The following COL5A3 variants were observed in gnomAD, a reference collection of about 807,000 sequenced individuals.
COL5A3 encodes collagen type V alpha 3 chain.
Under a neutral mutation model 250.0 loss-of-function variants are expected in COL5A3, and 172 were observed. The ratio of observed to expected loss-of-function variants is 0.69; its 90% CI spans 0.61 to 0.78. The LOEUF (loss-of-function observed/expected upper bound fraction) is 0.78, where lower values mean the gene tolerates loss of function less well. COL5A3 is among the 30% of genes least tolerant of loss of function. The probability of loss-of-function intolerance (pLI) is 0.00; values close to 1 mark genes in which losing one functional copy is unlikely to be tolerated. For missense variants in COL5A3, 2,340 were observed against 2,334.4 expected (o/e 1.00, Z -0.05); for synonymous variants, 937 against 900.4 (o/e 1.04, Z -0.73).
rs746906935 is a variant in COL5A3, at chr19:9,979,279, A to G, written c.2767-40T>C. On this transcript the variant is annotated intron_variant, in intron 38 of 66. Coordinates refer to ENST00000264828, the MANE Select transcript of COL5A3 (RefSeq NM_015719.4). ...GGCTCCTGTTGAGTGGGGGTGGCCT[A>G]GGGGAGTCGCTCAGGAGTCCAGCTT... 5.0e-6 allele frequency: 8 copies of G among 1,602,690 alleles called. No individual in the cohort carries two copies. In the African/African-American group the frequency reaches 5.4e-5, roughly 11 times the overall value.
intron 54 of COL5A3, 102 bp downstream of exon 54, chr19:9,970,520 G>T: frequency 1.6e-6 from 1 of 637,422 alleles, no homozygotes. Flanking sequence ...GTGGGTGTGT[G>T]GGGTCTGTGG....
At chr19:9,986,839 GC>G in intron 27 of COL5A3, 81 bp from the exon 28 acceptor site, 1 of 1,501,480 alleles carries the variant, frequency 6.7e-7, no homozygotes, top group Middle Eastern at 1.7e-4. Flanking sequence ...CTCTAAAGCA[GC>G]CAGGATAGTC....
At chr19:9,975,569 T>C (rs1475586086) in intron 45 of COL5A3, among the ~76,000 whole-genome samples, 1 of 152,158 alleles carries the variant, frequency 6.6e-6, no homozygotes, top group Admixed American at 6.5e-5. Context: ...GATTCTGGGG[T>C]TGAGTCCATA....
chr19:9,984,565 G>A (rs953778113), intron 31 of COL5A3, among the ~76,000 whole-genome samples: 8 of 152,096 alleles, frequency 5.3e-5, no homozygotes, highest in African/African-American at 1.9e-4. Context: ...CCCTTTAACT[G>A]ACTTTGTTGG....
At chr19:9,970,464 T>G (rs74180157) in intron 54 of COL5A3, among the ~76,000 whole-genome samples, 158 bp downstream of exon 54, 1 of 16,262 alleles carries the variant, frequency 6.1e-5, no homozygotes, top group Non-Finnish European at 1.1e-4. Flanking sequence ...TCTGTGGGTG[T>G]GTGGGGTCTG....
chr19:9,993,033 G>T lies in COL5A3; in HGVS notation c.1784C>A (p.Ala595Asp), dbSNP rs1391573095. Residue 595 changes from alanine to aspartate, a missense_variant, in exon 20 of 67, where the codon GCT (alanine) becomes GAT (aspartate). Physicochemically the swap from Ala to Asp is moderately radical, Grantham distance 126. Transcript: ENST00000264828. ...AEGPPGPTGQ[A>D]GEPGPRGLLG... ...ATCCCTGATACTCACCGGCTCCCCA[G>T]CCTGGCCAGTGGGCCCTGGAGGTCC... 1.2e-6 allele frequency: 2 copies of T among 1,613,826 alleles called. No homozygotes were observed. The highest frequency in any genetic ancestry group is 1.1e-5 in the South Asian group (1 of 91,056).
chr19:9,967,329 GC>G lies in COL5A3; in HGVS notation c.4458+17del. 16 of 1,413,982 alleles carry G rather than the reference GC, an allele frequency of 1.1e-5. No individual in the cohort carries two copies. Among genetic ancestry groups the G allele is most frequent in the South Asian group, 1.7e-5 (1 of 58,216 alleles). The allele number at this position is 1,413,982 out of a possible 1,614,324, so 87.6% of individuals were successfully genotyped here. Reference sequence around the variant, plus strand: ...CCCAGGTTTTGGTGTCCATTCCCCCGCCCCCCGGGGAACTCACCGGGGGGCC... The same window carrying G: ...CCCAGGTTTTGGTGTCCATTCCCCCGCCCCCGGGGAACTCACCGGGGGGCC... On this transcript the variant is annotated intron_variant, in intron 62 of 66. Coordinates refer to ENST00000264828, the MANE Select transcript of COL5A3 (RefSeq NM_015719.4).
rs763085937 is a variant in COL5A3 at position 9,993,648 on chromosome 19, G to A, written c.1666C>T (p.Pro556Ser). 28 of 1,614,082 alleles carry A rather than the reference G, an allele frequency of 1.7e-5. No individual in the cohort carries two copies. The highest frequency in any genetic ancestry group is 2.1e-5 in the Non-Finnish European group (25 of 1,180,018). Residue 556 changes from proline (P) to serine (S), a missense_variant, in exon 18 of 67, where the codon CCT becomes TCT. Pro to Ser is a moderately conservative substitution (Grantham distance 74). Around this residue, in one of 3 missense-constraint regions of COL5A3, gnomAD observed 1,152 missense variants for 1,146.3 expected, o/e 1.00. Transcript: ENST00000264828. ...PKGDRGFDGL[P>S]GLPGEKGQRG... ...TGGCCCTTCTCACCAGGCAGCCCAG[G>A]GAGGCCATCGAAGCCACGATCACCC...
chr19:10,000,930 A>G (rs968685864), intron 8 of COL5A3, among the ~76,000 whole-genome samples: 1 of 152,176 alleles, frequency 6.6e-6, no homozygotes, highest in East Asian at 1.9e-4. Flanking sequence ...AGACACTGGG[A>G]CCTATCGGAG....
Position 10,001,311 on chromosome 19 carries a change from A to G in COL5A3, c.1110+213T>C, listed in dbSNP as rs529060161. The stretch of plus-strand genomic sequence containing the variant: ...CAGGCGCGCGCCACCGCTCCCAGCT[A>G]ATTTTTTGTATTTTTAGTAGACATG... On this transcript the variant is annotated intron_variant, in intron 8 of 66. Transcript: ENST00000264828. Among the ~76,000 whole-genome samples the G allele has an allele frequency of 1.2e-3, 184 of 151,992 alleles. No homozygotes were observed. In the Middle Eastern group the frequency reaches 0.017, roughly 14 times the overall value.
In COL5A3 at chr19:9,993,739, C is replaced by A. The variant is rs759463463; in HGVS notation, c.1641+14G>T. ...CAGCTCCCACCAAGTCTTATCTCAG[C>A]CCCCATCACCTACCTTAGGTCCAGT... On this transcript the variant is annotated intron_variant, in intron 17 of 66. Transcript: ENST00000264828. The A allele has an allele frequency of 1.2e-5, 19 of 1,613,958 alleles. No homozygotes were observed. Among genetic ancestry groups the A allele is most frequent in the Non-Finnish European group, 1.6e-5 (19 of 1,179,948 alleles).
rs754511481 is a variant in COL5A3 at position 9,998,121 on chromosome 19, T to C, written c.1139A>G (p.Glu380Gly). The C allele has an allele frequency of 6.2e-7, 1 of 1,613,726 alleles. No individual in the cohort carries two copies. The highest frequency in any genetic ancestry group is 8.5e-7 in the Non-Finnish European group (1 of 1,179,918). ...CCTCACCTTTTCAATCACTGCGGGCTCTCCTTTTGCTCCTTTCTCTCCAGC... is the reference window on the plus strand; with the variant it reads ...CCTCACCTTTTCAATCACTGCGGGCCCTCCTTTTGCTCCTTTCTCTCCAGC... ...PGAGEKGAKG[E>G]PAVIEKGQQF... Residue 380 changes from glutamate (E) to glycine (G), a missense_variant, in exon 9 of 67, where the codon GAG becomes GGG. Physicochemically the swap from Glu to Gly is moderately conservative, Grantham distance 98. Around this residue, in one of 3 missense-constraint regions of COL5A3, gnomAD observed 1,152 missense variants for 1,146.3 expected, o/e 1.00. Transcript: ENST00000264828.
rs1416913858 is a variant in COL5A3 at position 9,968,923 on chromosome 19, C to T, written c.4153-195G>A. 1 of 642,394 alleles carries T rather than the reference C, an allele frequency of 1.6e-6. No individual in the cohort carries two copies. Among genetic ancestry groups the T allele is most frequent in the Non-Finnish European group, 2.7e-6 (1 of 364,268 alleles). The allele number at this position is 642,394 out of a possible 1,614,324, so 39.8% of individuals were successfully genotyped here. On this transcript the variant is annotated intron_variant, in intron 57 of 66. Coordinates refer to ENST00000264828, the MANE Select transcript of COL5A3 (RefSeq NM_015719.4). This position sits in a 1 kb window ranked among gnomAD's most constrained non-coding sequence, Gnocchi z 4.1. ...AATGAGGGGTTGACTGGAGGATGGA[C>T]AACGTGAGTGGTCAGTGGCCAAGGT... is the stretch of plus-strand genomic sequence containing the variant.
Position 9,968,141 on chromosome 19 carries a change from C to T in COL5A3, c.4315-62G>A. 4.1e-6 allele frequency: 6 copies of T among 1,464,886 alleles called. No homozygotes were observed. Among genetic ancestry groups the T allele is most frequent in the Non-Finnish European group, 5.6e-6 (6 of 1,071,590 alleles). The allele number at this position is 1,464,886 out of a possible 1,614,324, so 90.7% of individuals were successfully genotyped here. A position where few individuals can be genotyped will look rare whatever the true frequency, so the allele number is the denominator to read the frequency against. ...CACCCTATTGCCCTGACACATCCCC[C>T]AGACAAGCCTTCAATCCTACCAAAG... On this transcript the variant is annotated intron_variant, in intron 59 of 66. Transcript: ENST00000264828. This position sits in a 1 kb window ranked among gnomAD's most constrained non-coding sequence, Gnocchi z 4.1.
chr19:9,970,553 G>A, intron 54 of COL5A3, 69 bp downstream of exon 54: 1 of 1,053,204 alleles, frequency 9.5e-7, no homozygotes, highest in African/African-American at 1.7e-5. Context: ...GCTGTGGGAT[G>A]AGTGAGGTCT....
At chr19:9,977,097 G>T in intron 44 of COL5A3, 132 bp downstream of exon 44, 1 of 848,882 alleles carries the variant, frequency 1.2e-6, no homozygotes, top group South Asian at 1.5e-5. Flanking sequence ...GCATGTAATT[G>T]TCAAGATGGT....
At chr19:9,970,027 G>C in intron 54 of COL5A3, 105 bp from the exon 55 acceptor site, 1 of 689,168 alleles carries the variant, frequency 1.5e-6, no homozygotes, top group Non-Finnish European at 2.5e-6. Context: ...GGGTCTGTAA[G>C]GTGAGTGGGG....
chr19:10,010,071 C>T (rs1206043018), intron 1 of COL5A3, among the ~76,000 whole-genome samples: 1 of 152,116 alleles, frequency 6.6e-6, no homozygotes, highest in African/African-American at 2.4e-5. Context: ...TGCATGCATT[C>T]CCACGCGCTC....
chr19:9,973,199 A>G (rs1445626560), intron 50 of COL5A3, among the ~76,000 whole-genome samples, 173 bp from the exon 51 acceptor site: 1 of 152,158 alleles, frequency 6.6e-6, no homozygotes, highest in African/African-American at 2.4e-5. Flanking sequence ...TAAGACAGTG[A>G]AAGGTCTGGA....
Sources: allele counts gnomAD v4.1 joint callset (sites outside exome capture counted in the v4.1 genomes callset), GRCh38; gene constraint gnomAD v4.1.1; regional missense constraint gnomAD v4.1.1; non-coding constraint Gnocchi (gnomAD v3.1); transcripts MANE v1.5; gene names NCBI Gene and HGNC (gene_info 2026-07-23, HGNC 2026-07-21).